LAMA2: variants seen among roughly 807,000 people sequenced by gnomAD.
LAMA2 encodes laminin subunit alpha 2, also known as laminin subunit alpha-2.
A neutral mutation model predicts 364.8 loss-of-function variants in LAMA2; 269 were observed. That is an observed-to-expected ratio of 0.74 (90% CI 0.67 to 0.82). The LOEUF is 0.82. Ranked by LOEUF, LAMA2 falls within the 40% of genes least tolerant of loss-of-function variation. The probability of loss-of-function intolerance (pLI) is 0.00; values close to 1 mark genes in which losing one functional copy is unlikely to be tolerated. For synonymous variants in LAMA2, 1,379 were observed against 1,370.6 expected (o/e 1.01, Z -0.14); for missense variants, 3,807 against 3,873.2 (o/e 0.98, Z 0.45).
At chr6:129,005,710 A>ATGTGTGTGTG (rs747533056) in intron 1 of LAMA2, among the ~76,000 whole-genome samples, 1 of 148,534 alleles carries the variant, frequency 6.7e-6, no homozygotes, top group Non-Finnish European at 1.5e-5. Context: ...TGGGGGAAAA[A>ATGTGTGTGTG]TGTGTGTGTG....
intron 17 of LAMA2, among the ~76,000 whole-genome samples, chr6:129,277,305 T>C (rs1361119056): frequency 6.6e-6 from 1 of 152,196 alleles, no homozygotes; most frequent in East Asian, 1.9e-4. Flanking sequence ...TAGTGCTAAG[T>C]GACTGCATTT....
intron 34 of LAMA2, 118 bp downstream of exon 34, chr6:129,370,108 A>C (rs1777989297): frequency 1.2e-6 from 1 of 818,640 alleles, no homozygotes. Flanking sequence ...TTGGTATATA[A>C]AATAGATGTA....
intron 3 of LAMA2, among the ~76,000 whole-genome samples, chr6:129,062,489 A>G (rs1034810551): frequency 6.6e-6 from 1 of 152,090 alleles, no homozygotes; most frequent in Non-Finnish European, 1.5e-5. Context: ...ATATTGCACT[A>G]TCTTCTCCTG....
intron 1 of LAMA2, among the ~76,000 whole-genome samples, chr6:128,969,187 T>C (rs1160924645): frequency 2.6e-5 from 4 of 152,146 alleles, no homozygotes; most frequent in Admixed American, 2.0e-4. Context: ...GGAGGGAAGA[T>C]GACAGACGGA....
chr6:128,922,976 C>T (rs1177903137), intron 1 of LAMA2, among the ~76,000 whole-genome samples: 1 of 151,630 alleles, frequency 6.6e-6, no homozygotes, highest in Non-Finnish European at 1.5e-5. Flanking sequence ...ATCCTTTCCG[C>T]ATTGCTTGTT....
chr6:129,254,158 A>G (rs1477213972), intron 14 of LAMA2, among the ~76,000 whole-genome samples: 1 of 152,204 alleles, frequency 6.6e-6, no homozygotes, highest in East Asian at 1.9e-4. Flanking sequence ...GCACAAGTAA[A>G]TTGAAGCTCA....
rs574439176 is a variant in LAMA2, at chr6:128,961,529, A to G, written c.112+78172A>G. ...AGAGCCAGTCTGGGTCCCAAAACTG[A>G]AGAACTTGGAGTCTGATGTTTGAGG... On this transcript the variant is annotated intron_variant, in intron 1 of 64. Coordinates refer to ENST00000421865, the MANE Select transcript of LAMA2 (RefSeq NM_000426.4). Among the ~76,000 whole-genome samples the G allele has an allele frequency of 9.5e-4, 142 of 149,842 alleles. 3 individuals carry two copies. The highest frequency in any genetic ancestry group is 3.4e-3 in the African/African-American group (137 of 40,122).
chr6:129,441,191 C>G (rs56286736), intron 43 of LAMA2, among the ~76,000 whole-genome samples, 193 bp downstream of exon 43: 2 of 152,040 alleles, frequency 1.3e-5, no homozygotes, highest in Non-Finnish European at 2.9e-5. Context: ...AGCTCTGCCC[C>G]GGTGCTTTTT....
At position 129,270,741 on chromosome 6, in the gene LAMA2, C is replaced by G; in HGVS notation, c.2440C>G (p.Pro814Ala). Reference protein sequence around the residue: ...CQPCACPLNIPSNNFSPTCHL... With the variant: ...CQPCACPLNIASNNFSPTCHL... ...ACCCTGTGCCTGTCCACTCAATATCCCATCCAATAAGTAAGTAACAAACTT... is the reference window on the plus strand; with the variant it reads ...ACCCTGTGCCTGTCCACTCAATATCGCATCCAATAAGTAAGTAACAAACTT... Residue 814 changes from proline (P) to alanine (A), a missense_variant, in exon 17 of 65, where the codon CCA (proline) becomes GCA (alanine). Coordinates refer to ENST00000421865, the MANE Select transcript of LAMA2 (RefSeq NM_000426.4). The G allele has an allele frequency of 1.9e-6, 3 of 1,613,134 alleles. No homozygotes were observed. The highest frequency in any genetic ancestry group is 2.5e-6 in the Non-Finnish European group (3 of 1,179,450).
At position 129,248,667 on chromosome 6, in the gene LAMA2, C is replaced by T. The variant is rs139476223; in HGVS notation, c.1783-1445C>T. ...TATTCTTCCCAAACCTCCTTTCAAA[C>T]GTATTTATTAATTTAGAAAATTCTA... is the stretch of plus-strand genomic sequence containing the variant. On this transcript the variant is annotated intron_variant, in intron 12 of 64. Coordinates refer to ENST00000421865, the MANE Select transcript of LAMA2 (RefSeq NM_000426.4). 6.4e-3 allele frequency among the ~76,000 whole-genome samples: 974 copies of T among 152,168 alleles called. 7 individuals carry two copies. Among genetic ancestry groups the T allele is most frequent in the South Asian group, 0.017 (84 of 4,826 alleles).
intron 1 of LAMA2, chr6:128,929,613 C>A: frequency 7.3e-7 from 1 of 1,371,884 alleles, no homozygotes. Context: ...AAAGCGCTTC[C>A]ACGATGCTGA....
intron 1 of LAMA2, among the ~76,000 whole-genome samples, chr6:129,044,586 A>G (rs1174142769): frequency 6.6e-6 from 1 of 151,300 alleles, no homozygotes; most frequent in African/African-American, 2.4e-5. Flanking sequence ...ATAGAACAGA[A>G]TATATTATTC....
chr6:129,452,740 A>G (rs556910449), intron 45 of LAMA2, among the ~76,000 whole-genome samples: 1 of 152,314 alleles, frequency 6.6e-6, no homozygotes, highest in African/African-American at 2.4e-5. Context: ...TGCATGCTTC[A>G]AAAAATAGTA....
intron 1 of LAMA2, among the ~76,000 whole-genome samples, chr6:128,949,156 C>G (rs1018496783): frequency 6.6e-6 from 1 of 152,156 alleles, no homozygotes; most frequent in African/African-American, 2.4e-5. Flanking sequence ...GTGAAGAAGA[C>G]AAGACCAGCG....
intron 33 of LAMA2, among the ~76,000 whole-genome samples, chr6:129,369,200 T>C (rs995921067): frequency 2.6e-5 from 4 of 152,022 alleles, no homozygotes; most frequent in African/African-American, 9.7e-5. Flanking sequence ...AAATGGGAGG[T>C]TGGGGTAGTT....
chr6:128,993,880 T>A (rs149501809), intron 1 of LAMA2, among the ~76,000 whole-genome samples: 6 of 152,310 alleles, frequency 3.9e-5, no homozygotes, highest in Non-Finnish European at 5.9e-5. Context: ...AATGTGGATA[T>A]TTGAATTAAA....
intron 1 of LAMA2, among the ~76,000 whole-genome samples, chr6:128,919,069 C>T (rs1439215698): frequency 6.6e-6 from 1 of 152,198 alleles, no homozygotes; most frequent in Non-Finnish European, 1.5e-5. Flanking sequence ...AAATCTGACT[C>T]ATGATGTTTC....
At position 129,297,733 on chromosome 6, in the gene LAMA2, T is replaced by A. The variant is rs766990977; in HGVS notation, c.2905T>A (p.Cys969Ser). The change falls in exon 21 of 65, where the codon TGC (cysteine) becomes AGC (serine). Residue 969 changes from cysteine (C) to serine (S), a missense_variant. Coordinates refer to ENST00000421865, the MANE Select transcript of LAMA2 (RefSeq NM_000426.4). Reference protein sequence around the residue: ...QSARGCVPCNCNSFGSKSFDC... With the variant: ...QSARGCVPCNSNSFGSKSFDC... ...AGCAAGGGGCTGTGTTCCCTGCAAC[T>A]GCAATTCTTTTGGGTCTAAGTCATT... 6.2e-7 allele frequency: 1 copy of A among 1,614,168 alleles called. No homozygotes were observed. The highest frequency in any genetic ancestry group is 1.7e-5 in the Admixed American group (1 of 60,028).
chr6:129,408,326 G>A (rs1200788989), intron 40 of LAMA2, among the ~76,000 whole-genome samples: 1 of 152,082 alleles, frequency 6.6e-6, no homozygotes, highest in Non-Finnish European at 1.5e-5. Flanking sequence ...ACTTCAAAAG[G>A]GCATTCCACA....
Sources: allele counts gnomAD v4.1 joint callset (sites outside exome capture counted in the v4.1 genomes callset), GRCh38; gene constraint gnomAD v4.1.1; transcripts MANE v1.5; gene names NCBI Gene and HGNC (gene_info 2026-07-23, HGNC 2026-07-21).